The following ZCCHC7 variants were observed in gnomAD, a reference collection of about 807,000 sequenced individuals.
The protein encoded by ZCCHC7 is zinc finger CCHC domain-containing protein 7.
ZCCHC7 carries 35 observed loss-of-function variants against 52.0 expected under a neutral mutation model. The ratio of observed to expected loss-of-function variants is 0.67; its 90% CI spans 0.51 to 0.89. ZCCHC7 has a LOEUF of 0.89. Among genes scored for constraint, ZCCHC7 ranks in the 40% least tolerant of loss-of-function variants. The probability of loss-of-function intolerance (pLI) is 0.00; values close to 1 mark genes in which losing one functional copy is unlikely to be tolerated. For missense variants in ZCCHC7, 574 were observed against 649.1 expected (o/e 0.88, Z 1.26); for synonymous variants, 217 against 221.5 (o/e 0.98, Z 0.18).
intron 2 of ZCCHC7, among the ~76,000 whole-genome samples, chr9:37,272,404 G>A (rs560566799): frequency 1.3e-5 from 2 of 148,526 alleles, no homozygotes; most frequent in African/African-American, 2.5e-5. Flanking sequence ...TACATAAAAC[G>A]TGTAAGAAAA....
chr9:37,248,698 T>C (rs547755665), intron 2 of ZCCHC7, among the ~76,000 whole-genome samples: 1 of 152,200 alleles, frequency 6.6e-6, no homozygotes, highest in African/African-American at 2.4e-5. Flanking sequence ...ATGAAATTGA[T>C]AAGCATGTCA....
chr9:37,288,073 A>AT (rs1828340543), intron 2 of ZCCHC7, among the ~76,000 whole-genome samples: 1 of 151,992 alleles, frequency 6.6e-6, no homozygotes, highest in Non-Finnish European at 1.5e-5. Flanking sequence ...GAGCCCAAAA[A>AT]TTTGAGACCA....
intron 6 of ZCCHC7, among the ~76,000 whole-genome samples, chr9:37,338,427 A>C (rs1830780159): frequency 6.6e-6 from 1 of 152,162 alleles, no homozygotes; most frequent in African/African-American, 2.4e-5. Flanking sequence ...TATACTCTTG[A>C]CTACATAAAA....
At chr9:37,225,394 C>A (rs994477451) in intron 2 of ZCCHC7, among the ~76,000 whole-genome samples, 15 of 152,124 alleles carry the variant, frequency 9.9e-5, no homozygotes, top group Non-Finnish European at 2.9e-5. Context: ...AATACCAATT[C>A]TTTACAAACT....
In ZCCHC7 at chr9:37,328,599, CAT is replaced by C. The variant is rs542103606; in HGVS notation, c.987+767_987+768del. ...TCTTTTAATTATTACAGTTATATAA[CAT>C]AATATATATTAATTAAAAGTTGTTA... On this transcript the variant is annotated intron_variant, in intron 6 of 8. Coordinates refer to ENST00000336755, the MANE Select transcript of ZCCHC7 (RefSeq NM_032226.3). Among the ~76,000 whole-genome samples, 813 of 151,890 alleles carry C rather than the reference CAT, an allele frequency of 5.4e-3. 4 individuals are homozygous for C. Among genetic ancestry groups the C allele is most frequent in the African/African-American group, 0.018 (745 of 41,482 alleles).
In ZCCHC7 at chr9:37,212,690, C is replaced by T. The variant is rs147666147; in HGVS notation, c.610+85748C>T. ...ATCGTTCACCTTGTTGGATGAATTG[C>T]TTCTCTCTCAGGATTAATTAAGAAA... On this transcript the variant is annotated intron_variant, in intron 2 of 8. Transcript: ENST00000336755. Among the ~76,000 whole-genome samples the T allele has an allele frequency of 3.5e-4, 53 of 152,264 alleles. No individual in the cohort carries two copies. In the East Asian group the frequency reaches 0.01, roughly 29 times the overall value.
intron 2 of ZCCHC7, among the ~76,000 whole-genome samples, chr9:37,160,574 C>T (rs1225181126): frequency 6.6e-6 from 1 of 152,036 alleles, no homozygotes; most frequent in East Asian, 1.9e-4. Context: ...CCAGAATATC[C>T]CAAATCTAGT....
At chr9:37,269,638 A>AAC (rs1554721764) in intron 2 of ZCCHC7, among the ~76,000 whole-genome samples, 34 of 148,906 alleles carry the variant, frequency 2.3e-4, no homozygotes, top group African/African-American at 8.4e-4. Flanking sequence ...AAAAAAAAAA[A>AAC]AAAAAAAACA....
At chr9:37,145,484 A>G (rs1245178408) in intron 2 of ZCCHC7, among the ~76,000 whole-genome samples, 2 of 151,962 alleles carry the variant, frequency 1.3e-5, no homozygotes, top group African/African-American at 4.8e-5. Context: ...TCCAAAATTA[A>G]AAAACCTTTT....
At chr9:37,137,507 G>T (rs1843049627) in intron 2 of ZCCHC7, among the ~76,000 whole-genome samples, 1 of 152,126 alleles carries the variant, frequency 6.6e-6, no homozygotes, top group African/African-American at 2.4e-5. Flanking sequence ...AACAAGAAAG[G>T]ATTATTTATG....
At chr9:37,222,338 T>C (rs1236555789) in intron 2 of ZCCHC7, among the ~76,000 whole-genome samples, 1 of 141,634 alleles carries the variant, frequency 7.1e-6, no homozygotes, top group Non-Finnish European at 1.6e-5. Context: ...AGTGTGTGTG[T>C]GTGTGTGTGT....
chr9:37,151,266 G>A (rs546586996), intron 2 of ZCCHC7, among the ~76,000 whole-genome samples: 29 of 151,976 alleles, frequency 1.9e-4, no homozygotes, highest in Non-Finnish European at 3.2e-4. Flanking sequence ...GTGCCCGACC[G>A]ATTTATCTAT....
chr9:37,272,533 A>G (rs1827475489), intron 2 of ZCCHC7, among the ~76,000 whole-genome samples: 2 of 149,814 alleles, frequency 1.3e-5, no homozygotes, highest in Non-Finnish European at 3.0e-5. Flanking sequence ...GGACCTGGGC[A>G]GTACTGCTGA....
intron 2 of ZCCHC7, among the ~76,000 whole-genome samples, chr9:37,282,318 A>T (rs1016499402): frequency 1.2e-4 from 18 of 152,108 alleles, no homozygotes; most frequent in South Asian, 4.1e-4. Context: ...AAAAGTTTAA[A>T]CAAGGCCGGG....
intron 2 of ZCCHC7, among the ~76,000 whole-genome samples, chr9:37,214,964 T>C (rs12336845): frequency 0.031 from 4,697 of 152,206 alleles, 166 homozygotes; most frequent in African/African-American, 0.077. Flanking sequence ...ATAAAAACTT[T>C]ATTTTGTAGA....
At chr9:37,337,397 ACCCACCCCCCC>A (rs1257414355) in intron 6 of ZCCHC7, among the ~76,000 whole-genome samples, 1 of 17,250 alleles carries the variant, frequency 5.8e-5, no homozygotes, top group African/African-American at 2.6e-4. Flanking sequence ...CACCCTACCC[ACCCACCCCCCC>A]CCCCCCCAAA....
At chr9:37,250,298 CTCT>C (rs999497446) in intron 2 of ZCCHC7, among the ~76,000 whole-genome samples, 3 of 144,652 alleles carry the variant, frequency 2.1e-5, no homozygotes, top group Non-Finnish European at 4.6e-5. Flanking sequence ...CTCTTTCTCT[CTCT>C]TTTTTTTTTT....
At chr9:37,206,337 A>G (rs1460446184) in intron 2 of ZCCHC7, among the ~76,000 whole-genome samples, 1 of 118,008 alleles carries the variant, frequency 8.5e-6, no homozygotes, top group Non-Finnish European at 1.6e-5. Context: ...CTTCTCTCTC[A>G]TTCCTCTTCC....
At chr9:37,282,837 TGA>T (rs1011573551) in intron 2 of ZCCHC7, among the ~76,000 whole-genome samples, 2 of 134,564 alleles carry the variant, frequency 1.5e-5, no homozygotes, top group Non-Finnish European at 1.6e-5. Context: ...GCGGGGGGAG[TGA>T]GGGGGTAAGA....
Sources: allele counts gnomAD v4.1 joint callset (sites outside exome capture counted in the v4.1 genomes callset), GRCh38; gene constraint gnomAD v4.1.1; transcripts MANE v1.5; gene names NCBI Gene and HGNC (gene_info 2026-07-23, HGNC 2026-07-21).